SUMF1: variants seen among roughly 807,000 people sequenced by gnomAD.
The protein encoded by SUMF1 is sulfatase modifying factor 1, also known as formylglycine-generating enzyme.
In SUMF1, 48 loss-of-function variants were observed where a neutral mutation model predicts 47.6. That is an observed-to-expected ratio of 1.01 (90% CI 0.80 to 1.28). The LOEUF is 1.28. Among genes scored for constraint, SUMF1 ranks in the 50% most tolerant of loss-of-function variants. The probability of loss-of-function intolerance (pLI) is 0.00; values close to 1 mark genes in which losing one functional copy is unlikely to be tolerated. For missense variants in SUMF1, 571 were observed against 485.4 expected (o/e 1.18, Z -1.66); for synonymous variants, 230 against 192.1 (o/e 1.20, Z -1.63).
At chr3:4,246,132 C>A (rs533479865) in intron 8 of SUMF1, among the ~76,000 whole-genome samples, 25 of 152,246 alleles carry the variant, frequency 1.6e-4, no homozygotes, top group African/African-American at 5.5e-4. Context: ...CGTATTTGGG[C>A]AGAAGTGCAC....
intron 8 of SUMF1, among the ~76,000 whole-genome samples, chr3:4,151,994 C>T (rs1694347361): frequency 6.6e-6 from 1 of 151,522 alleles, no homozygotes; most frequent in South Asian, 2.1e-4. Context: ...TTCCCCAATT[C>T]AGTTCAAGTA....
intron 8 of SUMF1, among the ~76,000 whole-genome samples, chr3:4,277,925 TATC>T (rs1697451875): frequency 6.6e-6 from 1 of 152,064 alleles, no homozygotes; most frequent in Admixed American, 6.6e-5. Flanking sequence ...ATCATCAAAT[TATC>T]ATCATCAATT....
intron 8 of SUMF1, among the ~76,000 whole-genome samples, chr3:4,118,932 T>C (rs1386081050): frequency 6.6e-6 from 1 of 152,174 alleles, no homozygotes; most frequent in African/African-American, 2.4e-5. Flanking sequence ...TGTAAGTCAA[T>C]AATTGCCAAA....
chr3:4,210,589 C>T (rs532387971), intron 8 of SUMF1, among the ~76,000 whole-genome samples: 1 of 152,112 alleles, frequency 6.6e-6, no homozygotes, highest in Non-Finnish European at 1.5e-5. Context: ...GGAACCTTGA[C>T]TCTTAAATTC....
At chr3:4,310,152 A>T (rs1472977894) in intron 8 of SUMF1, among the ~76,000 whole-genome samples, 1 of 152,206 alleles carries the variant, frequency 6.6e-6, no homozygotes, top group African/African-American at 2.4e-5. Flanking sequence ...TTGTATATGC[A>T]TATATGTGGT....
rs186700369 is a variant in SUMF1 at position 4,099,749 on chromosome 3, C to A, written c.1015-31004G>T. ...CAAAACCTACTAGAACTGATAAAAG[C>A]AGTAAAGTTGCAGGATACAAAACCA... is the stretch of plus-strand genomic sequence containing the variant. On this transcript the variant is annotated intron_variant and NMD_transcript_variant, in intron 8 of 12. Coordinates refer to the SUMF1 transcript ENST00000448413. Among the ~76,000 whole-genome samples, 104 of 151,904 alleles carry A rather than the reference C, an allele frequency of 6.8e-4. 2 individuals carry two copies. The highest frequency in any genetic ancestry group is 2.3e-3 in the African/African-American group (96 of 41,444).
At chr3:4,228,806 A>G (rs1455580444) in intron 8 of SUMF1, among the ~76,000 whole-genome samples, 3 of 152,150 alleles carry the variant, frequency 2.0e-5, no homozygotes, top group African/African-American at 4.8e-5. Flanking sequence ...AGCACTAGAA[A>G]GAGATGCCTC....
chr3:4,044,924 T>A (rs115099263), intron 9 of SUMF1, among the ~76,000 whole-genome samples: 6 of 152,144 alleles, frequency 3.9e-5, no homozygotes, highest in Admixed American at 1.3e-4. Context: ...CTGGAAAAAA[T>A]ACTTAAAGAG....
rs1311802476 is a variant in SUMF1, at chr3:4,039,147, T to A, written c.1191+29422A>T. ...CAGAAAATACATTTAATATATATCA[T>A]AATCCATATCCTAAAAATGGATCTA... On this transcript the variant is annotated intron_variant and NMD_transcript_variant, in intron 9 of 12. Coordinates refer to the SUMF1 transcript ENST00000448413. 1.4e-5 allele frequency among the ~76,000 whole-genome samples: 2 copies of A among 144,018 alleles called. 1 individual carries two copies. The highest frequency in any genetic ancestry group is 5.0e-5 in the African/African-American group (2 of 39,920). 94.5% of individuals were successfully genotyped at this position (144,018 alleles called of 152,430 possible).
chr3:4,100,149 C>A (rs965430853), intron 8 of SUMF1, among the ~76,000 whole-genome samples: 5 of 151,222 alleles, frequency 3.3e-5, no homozygotes, highest in African/African-American at 4.9e-5. Context: ...CAATCCCTAT[C>A]AAAATTCTAA....
chr3:4,126,820 A>C (rs989411509), intron 8 of SUMF1, among the ~76,000 whole-genome samples: 4 of 152,204 alleles, frequency 2.6e-5, no homozygotes, highest in African/African-American at 9.6e-5. Flanking sequence ...CAGTCCTGTC[A>C]CTATCAAGAG....
intron 8 of SUMF1, among the ~76,000 whole-genome samples, chr3:4,242,282 G>C (rs1255129148): frequency 1.3e-5 from 2 of 152,106 alleles, no homozygotes; most frequent in African/African-American, 4.8e-5. Flanking sequence ...TCTCTTGCCT[G>C]ATTGCCCTGG....
At chr3:4,188,634 C>A (rs1205345157) in intron 8 of SUMF1, among the ~76,000 whole-genome samples, 4 of 152,098 alleles carry the variant, frequency 2.6e-5, no homozygotes, top group Non-Finnish European at 2.9e-5. Context: ...TCTAAGAGTG[C>A]AGCTGGGAGA....
intron 8 of SUMF1, among the ~76,000 whole-genome samples, chr3:4,278,230 C>A (rs1697458460): frequency 6.6e-6 from 1 of 151,690 alleles, no homozygotes; most frequent in African/African-American, 2.4e-5. Flanking sequence ...ATGGCATGTT[C>A]TATAATTTAT....
chr3:4,253,165 A>G (rs1167214269), intron 8 of SUMF1, among the ~76,000 whole-genome samples: 3 of 152,332 alleles, frequency 2.0e-5, no homozygotes, highest in East Asian at 1.9e-4. Context: ...TTCACTTTCC[A>G]TCTCTTGTAT....
At chr3:4,104,670 C>CTG (rs1693117418) in intron 8 of SUMF1, among the ~76,000 whole-genome samples, 1 of 149,772 alleles carries the variant, frequency 6.7e-6, no homozygotes, top group East Asian at 1.9e-4. Context: ...CTCGATTTCT[C>CTG]TCTCTCTCTC....
intron 8 of SUMF1, among the ~76,000 whole-genome samples, chr3:4,253,896 C>G (rs1445476276): frequency 6.7e-6 from 1 of 149,984 alleles, no homozygotes; most frequent in Non-Finnish European, 1.5e-5. Flanking sequence ...GTGGTTCTCC[C>G]AGCACGCAGC....
At chr3:4,069,710 C>T (rs1447414827) in intron 8 of SUMF1, among the ~76,000 whole-genome samples, 2 of 152,072 alleles carry the variant, frequency 1.3e-5, no homozygotes, top group Non-Finnish European at 2.9e-5. Flanking sequence ...GCTCTATAAA[C>T]CATAAATTCT....
At chr3:4,202,895 C>T (rs560223754) in intron 8 of SUMF1, among the ~76,000 whole-genome samples, 2 of 151,890 alleles carry the variant, frequency 1.3e-5, no homozygotes, top group African/African-American at 4.8e-5. Context: ...CAAAGTTCCT[C>T]TTCCTATTGA....
Sources: gnomAD v4.1 joint callset for allele counts (sites outside exome capture counted in the v4.1 genomes callset) on GRCh38, gnomAD v4.1.1 for gene constraint, MANE v1.5 for transcripts, NCBI Gene and HGNC (gene_info 2026-07-23, HGNC 2026-07-21) for gene names.